The following PCNX2 variants were observed in gnomAD, a reference collection of about 807,000 sequenced individuals.
PCNX2 encodes the protein pecanex-like protein 2.
In PCNX2, 168 loss-of-function variants were observed where a neutral mutation model predicts 223.8. The observed-to-expected ratio is 0.75, with a 90% CI of 0.66 to 0.85. The LOEUF is 0.85. Among genes scored for constraint, PCNX2 ranks in the 40% least tolerant of loss-of-function variants. The probability of loss-of-function intolerance (pLI) is 0.00; values close to 1 mark genes in which losing one functional copy is unlikely to be tolerated. For synonymous variants in PCNX2, 1,006 were observed against 1,052.6 expected, an observed-to-expected ratio of 0.96 and a Z score of 0.86; for missense variants, 2,507 against 2,675.5, an observed-to-expected ratio of 0.94 and a Z score of 1.39.
intron 15 of PCNX2, among the ~76,000 whole-genome samples, chr1:233,182,924 G>A (rs1326009716): frequency 1.3e-5 from 2 of 151,672 alleles, no homozygotes; most frequent in Admixed American, 1.3e-4. Flanking sequence ...TTTTTCAGGG[G>A]CATAGCTGGG....
chr1:233,199,116 T>A, intron 14 of PCNX2, 86 bp from the exon 15 acceptor site: 1 of 1,259,092 alleles, frequency 7.9e-7, no homozygotes, highest in South Asian at 1.4e-5. Flanking sequence ...TGGTTGCACA[T>A]TCGCATACAA....
In PCNX2 at chr1:233,258,940, G is replaced by A; in HGVS notation, c.922C>T (p.Leu308=). 6.2e-7 allele frequency: 1 copy of A among 1,613,968 alleles called. No homozygotes were observed. Among genetic ancestry groups the A allele is most frequent in the Non-Finnish European group, 8.5e-7 (1 of 1,179,888 alleles). The change falls in exon 5 of 34, where the codon CTG becomes TTG. Residue 308 remains leucine, a synonymous_variant. Transcript: ENST00000258229. The part of the protein sequence containing the change: ...RVQSKSPQDS[L]SSSCPQCDTI... ...TCACATTGAGGGCAGCTGCTGCTCA[G>A]GCTGTCCTGAGGTGACTTGCTTTGT...
chr1:233,288,097 G>A (rs1661547314), intron 1 of PCNX2, among the ~76,000 whole-genome samples: 1 of 152,168 alleles, frequency 6.6e-6, no homozygotes, highest in South Asian at 2.1e-4. Context: ...GAGGACATAG[G>A]AAGGAGATTT....
intron 22 of PCNX2, among the ~76,000 whole-genome samples, chr1:233,093,422 C>G (rs965284271): frequency 2.0e-5 from 3 of 152,128 alleles, no homozygotes; most frequent in Non-Finnish European, 4.4e-5. Context: ...CAAATTAGTC[C>G]CTTTTCAATG....
chr1:233,222,219 G>A (rs1244560987), intron 10 of PCNX2, among the ~76,000 whole-genome samples: 1 of 152,178 alleles, frequency 6.6e-6, no homozygotes, highest in East Asian at 1.9e-4. Flanking sequence ...AGGCCAGTAT[G>A]GATGGAGAAA....
chr1:233,273,264 T>C (rs1019389232), intron 1 of PCNX2, among the ~76,000 whole-genome samples: 4 of 151,814 alleles, frequency 2.6e-5, no homozygotes, highest in Non-Finnish European at 5.9e-5. Context: ...ATGAGTTGCA[T>C]TAATAACTTT....
At chr1:233,178,038 G>A (rs1016318825) in intron 16 of PCNX2, 140 bp from the exon 17 acceptor site, 5 of 653,246 alleles carry the variant, frequency 7.7e-6, no homozygotes, top group African/African-American at 3.7e-5. Context: ...ATAAAAAGAG[G>A]TGCATGTTCA....
At chr1:233,310,977 A>G in the PCNX2 span, among the ~76,000 whole-genome samples, 1 of 152,124 alleles carries the variant, frequency 6.6e-6, no homozygotes, top group Non-Finnish European at 1.5e-5. Context: ...TACCTCTGAC[A>G]TTGGGATCCA....
At chr1:233,070,674 T>TAA (rs61493841) in intron 23 of PCNX2, among the ~76,000 whole-genome samples, 9 of 146,544 alleles carry the variant, frequency 6.1e-5, no homozygotes, top group East Asian at 2.0e-4. Context: ...ATTCATGATT[T>TAA]AAAAAAAAAA....
In PCNX2 at chr1:232,991,996, C is replaced by T. The variant is rs1243467235; in HGVS notation, c.5792-5456G>A. 6.6e-6 allele frequency among the ~76,000 whole-genome samples: 1 copy of T among 152,216 alleles called. No individual in the cohort carries two copies. The highest frequency in any genetic ancestry group is 1.5e-5 in the Non-Finnish European group (1 of 68,038). The stretch of plus-strand genomic sequence containing the variant: ...TTAAGTTTAAATAAAATCACTCTGA[C>T]TTGCTTTGTGGAGATTTACGATTTT... On this transcript the variant is annotated intron_variant, in intron 32 of 33. Transcript: ENST00000258229. The surrounding 1 kb of genome is among the most constrained non-coding windows in gnomAD (Gnocchi z 4.3).
At chr1:233,180,131 GA>G (rs1457859974) in intron 15 of PCNX2, among the ~76,000 whole-genome samples, 5 of 152,142 alleles carry the variant, frequency 3.3e-5, no homozygotes, top group African/African-American at 7.2e-5. Context: ...ATTTATGTTC[GA>G]GTGCTATTTC....
At chr1:233,015,761 C>T (rs1670635188) in intron 27 of PCNX2, among the ~76,000 whole-genome samples, 1 of 151,948 alleles carries the variant, frequency 6.6e-6, no homozygotes, top group South Asian at 2.1e-4. Context: ...CTAGTCCCAT[C>T]TACTAGGGAG....
chr1:233,021,641 C>A (rs1053227223), intron 26 of PCNX2, among the ~76,000 whole-genome samples: 1 of 152,112 alleles, frequency 6.6e-6, no homozygotes, highest in Non-Finnish European at 1.5e-5. Context: ...TTGTGAGAGG[C>A]GCCATGCTAG....
At chr1:233,178,938 A>G (rs1572027929) in intron 16 of PCNX2, 128 bp downstream of exon 16, 3 of 698,384 alleles carry the variant, frequency 4.3e-6, no homozygotes, top group Non-Finnish European at 7.0e-6. Flanking sequence ...GTGACCAGCT[A>G]GTTTAATAAT....
rs899498077 is a variant in PCNX2, at chr1:232,990,071, C to G, written c.5792-3531G>C. Among the ~76,000 whole-genome samples the G allele has an allele frequency of 1.3e-5, 2 of 152,248 alleles. No homozygotes were observed. The highest frequency in any genetic ancestry group is 2.4e-5 in the African/African-American group (1 of 41,472). On this transcript the variant is annotated intron_variant, in intron 32 of 33. Transcript: ENST00000258229. The surrounding 1 kb of genome is among the most constrained non-coding windows in gnomAD (Gnocchi z 4.3). Reference sequence around the variant, plus strand: ...CCTTTCTGGGAGCTGTGTGTCTCAACTCGGACGGGCATGGTTGTTTTACTT... The same window carrying G: ...CCTTTCTGGGAGCTGTGTGTCTCAAGTCGGACGGGCATGGTTGTTTTACTT...
intron 25 of PCNX2, among the ~76,000 whole-genome samples, chr1:233,029,954 G>A (rs892903465): frequency 6.6e-6 from 1 of 152,058 alleles, no homozygotes; most frequent in African/African-American, 2.4e-5. Flanking sequence ...GATGTGTTGA[G>A]GGCCTGGGAT....
At chr1:233,047,036 T>C (rs765987427) in intron 25 of PCNX2, among the ~76,000 whole-genome samples, 103 of 152,298 alleles carry the variant, frequency 6.8e-4, no homozygotes, top group Admixed American at 1.1e-3. Context: ...AGATGCCTAG[T>C]CTGGCCTCTG....
chr1:233,273,209 A>G (rs1660738978), intron 1 of PCNX2, among the ~76,000 whole-genome samples: 3 of 152,068 alleles, frequency 2.0e-5, no homozygotes. Flanking sequence ...AAAATAAAAT[A>G]TTAAAATCAG....
chr1:233,112,972 G>A, intron 21 of PCNX2: 1 of 1,289,334 alleles, frequency 7.8e-7, no homozygotes, highest in Non-Finnish European at 1.0e-6. Flanking sequence ...CCGTCCTAGG[G>A]AGGAGAAGAC....
Sources: allele counts gnomAD v4.1 joint callset (sites outside exome capture counted in the v4.1 genomes callset), GRCh38; gene constraint gnomAD v4.1.1; non-coding constraint Gnocchi (gnomAD v3.1); transcripts MANE v1.5; gene names NCBI Gene and HGNC (gene_info 2026-07-23, HGNC 2026-07-21).